Variants in GPC5 observed in about 807,000 individuals in gnomAD.
The protein encoded by GPC5 is glypican-5.
In GPC5, 47 loss-of-function variants were observed where a neutral mutation model predicts 53.9. The ratio of observed to expected loss-of-function variants is 0.87; its 90% CI spans 0.69 to 1.11. GPC5 has a LOEUF of 1.11. Among genes scored for constraint, GPC5 ranks in the 50% most tolerant of loss-of-function variants. GPC5 has a pLI of 0.00. For synonymous variants in GPC5, 286 were observed against 263.3 expected (o/e 1.09, Z -0.84); for missense variants, 748 against 713.1 (o/e 1.05, Z -0.56).
intron 7 of GPC5, among the ~76,000 whole-genome samples, chr13:92,415,363 G>A (rs2139354871): frequency 6.6e-6 from 1 of 152,250 alleles, no homozygotes; most frequent in African/African-American, 2.4e-5. Flanking sequence ...AAATAAAGGA[G>A]CAATGGTCAA....
chr13:92,750,756 A>G (rs1005225885), intron 7 of GPC5, among the ~76,000 whole-genome samples: 1 of 152,154 alleles, frequency 6.6e-6, no homozygotes, highest in Non-Finnish European at 1.5e-5. Flanking sequence ...TTAAGCACAA[A>G]CTTCAAAACA....
At chr13:92,454,509 A>G (rs939915858) in intron 7 of GPC5, among the ~76,000 whole-genome samples, 7 of 152,222 alleles carry the variant, frequency 4.6e-5, no homozygotes, top group Admixed American at 3.9e-4. Flanking sequence ...GATAAGTACC[A>G]CAACTTCACA....
At chr13:92,365,471 T>C (rs1333126566) in intron 7 of GPC5, among the ~76,000 whole-genome samples, 1 of 151,630 alleles carries the variant, frequency 6.6e-6, no homozygotes, top group Non-Finnish European at 1.5e-5. Flanking sequence ...AATATCTTTC[T>C]TTCTTCAATG....
chr13:92,482,610 T>G (rs374330306), intron 7 of GPC5, among the ~76,000 whole-genome samples: 4 of 152,180 alleles, frequency 2.6e-5, no homozygotes, highest in East Asian at 1.9e-4. Context: ...TAATTAAATT[T>G]TAGTTTATGC....
chr13:91,495,750 T>C (rs550937192), intron 2 of GPC5, among the ~76,000 whole-genome samples: 3 of 152,326 alleles, frequency 2.0e-5, no homozygotes, highest in African/African-American at 7.2e-5. Flanking sequence ...AATCTTGTTG[T>C]GGCGGCTCAC....
At chr13:92,573,016 C>T (rs537989119) in intron 7 of GPC5, among the ~76,000 whole-genome samples, 13 of 152,252 alleles carry the variant, frequency 8.5e-5, no homozygotes, top group South Asian at 8.3e-4. Context: ...GGCTTTGATG[C>T]GATCAATTTA....
At chr13:92,290,946 TG>T (rs1372472683) in intron 7 of GPC5, among the ~76,000 whole-genome samples, 1 of 152,116 alleles carries the variant, frequency 6.6e-6, no homozygotes, top group African/African-American at 2.4e-5. Context: ...GCGTGAGTTC[TG>T]GGTGGGCCTG....
At chr13:92,521,405 C>T (rs570190016) in intron 7 of GPC5, among the ~76,000 whole-genome samples, 2 of 152,190 alleles carry the variant, frequency 1.3e-5, no homozygotes, top group Non-Finnish European at 2.9e-5. Context: ...ACCGAAACAG[C>T]ATGGTACTCG....
chr13:92,583,327 G>T (rs1468388771), intron 7 of GPC5, among the ~76,000 whole-genome samples: 3 of 152,118 alleles, frequency 2.0e-5, no homozygotes, highest in East Asian at 1.9e-4. Context: ...TGCATCCCAG[G>T]GATAAATCCC....
rs534903106 is a variant in GPC5 at position 92,738,082 on chromosome 13, T to C, written c.1562-128200T>C. On this transcript the variant is annotated intron_variant, in intron 7 of 7. Coordinates refer to ENST00000377067, the MANE Select transcript of GPC5 (RefSeq NM_004466.6). ...CCTAGCCAACATATTGTCTTAAAAG[T>C]AGTCTCTTCCACTATTTTGGAAATC... Among the ~76,000 whole-genome samples, 23 of 152,074 alleles carry C rather than the reference T, an allele frequency of 1.5e-4. 1 individual carries two copies. The South Asian group carries it at 3.9e-3, about 26-fold the overall frequency.
chr13:92,069,407 C>T (rs1407709215), intron 6 of GPC5, among the ~76,000 whole-genome samples: 4 of 110,578 alleles, frequency 3.6e-5, no homozygotes, highest in Non-Finnish European at 7.4e-5. Flanking sequence ...TGTGTGCGTG[C>T]ATGTGTGTGT....
At chr13:91,663,788 A>C (rs1438823424) in intron 2 of GPC5, among the ~76,000 whole-genome samples, 1 of 152,104 alleles carries the variant, frequency 6.6e-6, no homozygotes, top group Non-Finnish European at 1.5e-5. Flanking sequence ...ATAATGAAAA[A>C]CCATTAAATT....
intron 7 of GPC5, among the ~76,000 whole-genome samples, chr13:92,285,411 A>T (rs1410217734): frequency 1.3e-5 from 2 of 152,230 alleles, no homozygotes; most frequent in Non-Finnish European, 2.9e-5. Context: ...ATATGGAACC[A>T]AAAAAGAGCC....
chr13:91,904,615 G>A (rs565609833), intron 5 of GPC5, among the ~76,000 whole-genome samples: 271 of 152,036 alleles, frequency 1.8e-3, no homozygotes, highest in Middle Eastern at 0.01. Flanking sequence ...TAGAATGGGA[G>A]TAATTATAAT....
At chr13:91,424,677 C>T (rs1878906000) in intron 1 of GPC5, among the ~76,000 whole-genome samples, 2 of 152,122 alleles carry the variant, frequency 1.3e-5, no homozygotes, top group Admixed American at 6.5e-5. Flanking sequence ...AAATCCAGTG[C>T]TTTCTAAAGA....
At chr13:91,735,528 TTTCAAAATTC>T (rs548505672) in intron 4 of GPC5, among the ~76,000 whole-genome samples, 1 of 151,542 alleles carries the variant, frequency 6.6e-6, no homozygotes, top group Admixed American at 6.6e-5. Context: ...TTACTCTCAT[TTTCAAAATTC>T]TCTTAGATAT....
At chr13:92,241,186 G>C (rs2042609310) in intron 7 of GPC5, 1 of 152,002 alleles carries the variant, frequency 6.6e-6, no homozygotes, top group Non-Finnish European at 1.5e-5. Context: ...TCAAATAAAA[G>C]AAGATGAACA....
At chr13:91,699,408 C>A (rs1409740845) in intron 3 of GPC5, among the ~76,000 whole-genome samples, 1 of 152,178 alleles carries the variant, frequency 6.6e-6, no homozygotes, top group African/African-American at 2.4e-5. Flanking sequence ...ATTCAAAATA[C>A]CATTGCAATT....
chr13:92,114,995 A>G (rs769553889), intron 6 of GPC5, among the ~76,000 whole-genome samples: 1 of 152,162 alleles, frequency 6.6e-6, no homozygotes, highest in Non-Finnish European at 1.5e-5. Context: ...ATTCTGATTC[A>G]TTTCTATTAC....
Sources: allele counts gnomAD v4.1 joint callset (sites outside exome capture counted in the v4.1 genomes callset), GRCh38; gene constraint gnomAD v4.1.1; transcripts MANE v1.5; gene names NCBI Gene and HGNC (gene_info 2026-07-23, HGNC 2026-07-21).